ANKRD28: variants seen among roughly 807,000 people sequenced by gnomAD.
ANKRD28 encodes ankyrin repeat domain 28.
ANKRD28 carries 44 observed loss-of-function variants against 126.5 expected under a neutral mutation model. The ratio of observed to expected loss-of-function variants is 0.35; its 90% confidence interval spans 0.27 to 0.45. ANKRD28 has a LOEUF of 0.45. Ranked by LOEUF, ANKRD28 falls within the 20% of genes least tolerant of loss-of-function variation. The probability of loss-of-function intolerance (pLI) is 1.00; values close to 1 mark genes in which losing one functional copy is unlikely to be tolerated. For synonymous variants in ANKRD28, 442 were observed against 468.5 expected, an observed-to-expected ratio of 0.94 and a Z score of 0.73; for missense variants, 1,110 against 1,316.6, an observed-to-expected ratio of 0.84 and a Z score of 2.43.
chr3:15,720,965 C>T lies in ANKRD28; in HGVS notation c.946G>A (p.Ala316Thr). The change falls in exon 8 of 28, where the codon GCA becomes ACA. Residue 316 changes from alanine (A) to threonine (T), a missense_variant. Ala to Thr is a moderately conservative substitution (Grantham distance 58). Transcript: ENST00000683139. ...CCAACTAGAAGCTCTAAACACAATG[C>T]TCCATGTGTTGATGCAGCAGCAAAG... Reference protein sequence around the residue: ...LHFAAASTHGALCLELLVGNG... With the variant: ...LHFAAASTHGTLCLELLVGNG... The T allele has an allele frequency of 1.9e-6, 3 of 1,613,884 alleles. No homozygotes were observed. Among genetic ancestry groups the T allele is most frequent in the Non-Finnish European group, 2.5e-6 (3 of 1,179,834 alleles).
chr3:15,691,000 C>T (rs2068717829), intron 17 of ANKRD28, among the ~76,000 whole-genome samples: 1 of 152,130 alleles, frequency 6.6e-6, no homozygotes, highest in Non-Finnish European at 1.5e-5. Context: ...TGTGCCATAG[C>T]TAAAAAAGAA....
chr3:15,850,455 A>C (rs927509854), intron 1 of ANKRD28, among the ~76,000 whole-genome samples: 1 of 152,104 alleles, frequency 6.6e-6, no homozygotes, highest in African/African-American at 2.4e-5. Flanking sequence ...ACTAGCCTGA[A>C]ATCAAGGTGA....
At chr3:15,687,374 C>T (rs186151043) in intron 18 of ANKRD28, among the ~76,000 whole-genome samples, 2 of 152,058 alleles carry the variant, frequency 1.3e-5, no homozygotes, top group South Asian at 2.1e-4. Context: ...AATGATCCAT[C>T]TAAAGAATGC....
chr3:15,725,202 T>C (rs532544757), intron 6 of ANKRD28, among the ~76,000 whole-genome samples: 1 of 152,308 alleles, frequency 6.6e-6, no homozygotes, highest in East Asian at 1.9e-4. Flanking sequence ...TTATAAGTAA[T>C]CTAGAGATGA....
intron 6 of ANKRD28, among the ~76,000 whole-genome samples, 170 bp from the exon 7 acceptor site, chr3:15,724,694 TA>T (rs1405321110): frequency 6.6e-6 from 1 of 152,096 alleles, no homozygotes; most frequent in Non-Finnish European, 1.5e-5. Context: ...TTTAAGACTT[TA>T]GGGGTGGGCA....
intron 2 of ANKRD28, among the ~76,000 whole-genome samples, chr3:15,779,099 C>A (rs1327298846): frequency 6.6e-6 from 1 of 152,084 alleles, no homozygotes; most frequent in Non-Finnish European, 1.5e-5. Flanking sequence ...TTCTTCATAG[C>A]AGAGGGAGAA....
chr3:15,762,188 T>A (rs1220083082), intron 3 of ANKRD28, among the ~76,000 whole-genome samples: 3 of 64,980 alleles, frequency 4.6e-5, no homozygotes, highest in Admixed American at 1.9e-4. Context: ...ACTATGTCTT[T>A]AAAAAAAAAA....
chr3:15,685,632 C>G (rs1225086250), intron 20 of ANKRD28, among the ~76,000 whole-genome samples, 187 bp from the exon 21 acceptor site: 2 of 151,904 alleles, frequency 1.3e-5, no homozygotes, highest in African/African-American at 4.8e-5. Context: ...AAGCAAGAAC[C>G]CTTCTAAAAT....
chr3:15,706,747 AC>A (rs1197046390), intron 14 of ANKRD28, among the ~76,000 whole-genome samples: 2 of 152,102 alleles, frequency 1.3e-5, no homozygotes, highest in Non-Finnish European at 2.9e-5. Context: ...CCTCTCCAGC[AC>A]CTGTTGTTTC....
At chr3:15,676,231 C>T in intron 26 of ANKRD28, 1 of 380,908 alleles carries the variant, frequency 2.6e-6, no homozygotes, top group Non-Finnish European at 4.7e-6. Flanking sequence ...TCGACAGGTC[C>T]CTACCTTCAC....
At chr3:15,671,246 A>C (rs1248018095) in intron 27 of ANKRD28, among the ~76,000 whole-genome samples, 1 of 152,212 alleles carries the variant, frequency 6.6e-6, no homozygotes, top group Non-Finnish European at 1.5e-5. Flanking sequence ...GTCGTAAGTT[A>C]CCACAAAGTG....
rs188191531 is a variant in ANKRD28 at position 15,790,995 on chromosome 3, A to G, written c.201+4228T>C. The stretch of plus-strand genomic sequence containing the variant: ...CATTTCTATATGCCAACAGTGAACA[A>G]TGTGAAAAAGAAACTAAAAAGTAAT... On this transcript the variant is annotated intron_variant, in intron 2 of 27. Transcript: ENST00000683139. 2.6e-5 allele frequency among the ~76,000 whole-genome samples: 4 copies of G among 152,292 alleles called. No individual in the cohort carries two copies. In the East Asian group the frequency reaches 7.7e-4, roughly 29 times the overall value.
chr3:15,714,313 A>C (rs1350230932), intron 9 of ANKRD28, among the ~76,000 whole-genome samples: 1 of 152,136 alleles, frequency 6.6e-6, no homozygotes. Flanking sequence ...TTTTCTATTT[A>C]GCAATATTGA....
chr3:15,689,424 GC>G (rs2068521056), intron 18 of ANKRD28, among the ~76,000 whole-genome samples: 1 of 152,190 alleles, frequency 6.6e-6, no homozygotes, highest in South Asian at 2.1e-4. Context: ...TGAATCCACT[GC>G]CACTGCCCCC....
At chr3:15,711,970 A>G (rs2072347535) in intron 11 of ANKRD28, among the ~76,000 whole-genome samples, 170 bp downstream of exon 11, 1 of 152,052 alleles carries the variant, frequency 6.6e-6, no homozygotes. Context: ...TGCTGGGATT[A>G]CAGGCATGAG....
At chr3:15,823,265 G>C (rs2060983941) in intron 1 of ANKRD28, among the ~76,000 whole-genome samples, 2 of 152,212 alleles carry the variant, frequency 1.3e-5, no homozygotes, top group Non-Finnish European at 2.9e-5. Flanking sequence ...CCACTGATCT[G>C]ACAGGAGGCA....
In ANKRD28 at chr3:15,766,220, A is replaced by C; in HGVS notation, c.280+14T>G. The C allele has an allele frequency of 6.3e-7, 1 of 1,599,644 alleles. No homozygotes were observed. The highest frequency in any genetic ancestry group is 1.3e-5 in the African/African-American group (1 of 74,646). On this transcript the variant is annotated intron_variant, in intron 3 of 27. Transcript: ENST00000683139. ...TATACATAATGTGTTCTTATTACTC[A>C]GAGGTTACCATACCAGATAAAATAA...
upstream of ANKRD28, among the ~76,000 whole-genome samples, chr3:15,799,020 A>G (rs1285395963): frequency 6.6e-6 from 1 of 152,072 alleles, no homozygotes; most frequent in Non-Finnish European, 1.5e-5. Context: ...GAAATGATGT[A>G]TTTTACCCAA....
At chr3:15,693,290 A>C (rs1039611569) in intron 17 of ANKRD28, among the ~76,000 whole-genome samples, 3 of 152,110 alleles carry the variant, frequency 2.0e-5, no homozygotes, top group Admixed American at 6.5e-5. Context: ...CCATATACAC[A>C]TACAAAATCT....
Sources: allele counts gnomAD v4.1 joint callset (sites outside exome capture counted in the v4.1 genomes callset), GRCh38; gene constraint gnomAD v4.1.1; transcripts MANE v1.5; gene names NCBI Gene and HGNC (gene_info 2026-07-23, HGNC 2026-07-21).